The following SLC8A1 variants were observed in gnomAD, a reference collection of about 807,000 sequenced individuals.
SLC8A1 encodes sodium/calcium exchanger 1.
A neutral mutation model predicts 68.3 loss-of-function variants in SLC8A1; 18 were observed. That is an observed-to-expected ratio of 0.26 (90% confidence interval 0.18 to 0.39). The LOEUF (loss-of-function observed/expected upper bound fraction) is 0.39, where lower values mean the gene tolerates loss of function less well. Ranked by LOEUF, SLC8A1 falls within the 10% of genes least tolerant of loss-of-function variation. The pLI, the probability that SLC8A1 is intolerant of heterozygous loss-of-function variation, is 1.00. For missense variants in SLC8A1, 985 were observed against 1,156.7 expected (o/e 0.85, Z 2.15); for synonymous variants, 475 against 415.5 (o/e 1.14, Z -1.74).
intron 1 of SLC8A1, among the ~76,000 whole-genome samples, chr2:40,439,967 GTATAGTA>G (rs1700178291): frequency 6.6e-6 from 1 of 151,968 alleles, no homozygotes; most frequent in Non-Finnish European, 1.5e-5. Flanking sequence ...TTACAATATT[GTATAGTA>G]TATATTACCT....
At chr2:40,415,901 C>CACACATT (rs1553595440) in intron 2 of SLC8A1, among the ~76,000 whole-genome samples, 59 of 140,570 alleles carry the variant, frequency 4.2e-4, no homozygotes, top group African/African-American at 1.5e-3. Context: ...CACACACACA[C>CACACATT]ACACACACAC....
exon 8 of SLC8A1, chr2:40,101,240 T>C (rs1470196423): frequency 6.6e-6 from 1 of 152,190 alleles, no homozygotes; most frequent in Non-Finnish European, 1.5e-5. Flanking sequence ...TCTGTGGTTT[T>C]CAAGCTTCTT....
At chr2:40,193,598 T>C (rs2052326565) in intron 2 of SLC8A1, among the ~76,000 whole-genome samples, 1 of 152,008 alleles carries the variant, frequency 6.6e-6, no homozygotes, top group African/African-American at 2.4e-5. Flanking sequence ...GGGAGGTGAG[T>C]CAAGAAAGAG....
chr2:40,338,746 G>A (rs893648875), intron 2 of SLC8A1, among the ~76,000 whole-genome samples: 18 of 152,028 alleles, frequency 1.2e-4, no homozygotes, highest in Admixed American at 1.2e-3. Context: ...TTCCATAATT[G>A]GATTTTCTTC....
intron 2 of SLC8A1, among the ~76,000 whole-genome samples, chr2:40,326,005 G>T (rs1173895977): frequency 6.6e-6 from 1 of 151,986 alleles, no homozygotes; most frequent in Non-Finnish European, 1.5e-5. Context: ...CGCCCACAGG[G>T]AAAGTCAGCA....
At chr2:40,151,444 A>ACTGT (rs374816060) in intron 6 of SLC8A1, among the ~76,000 whole-genome samples, 125 of 152,300 alleles carry the variant, frequency 8.2e-4, no homozygotes, top group African/African-American at 2.8e-3. Flanking sequence ...AGTGCCAAGC[A>ACTGT]CTGTCTTAGG....
At chr2:40,350,032 C>A (rs568556168) in intron 2 of SLC8A1, among the ~76,000 whole-genome samples, 1 of 152,126 alleles carries the variant, frequency 6.6e-6, no homozygotes, top group Non-Finnish European at 1.5e-5. Context: ...GTAGACTATG[C>A]ATTTTCCTAA....
chr2:40,426,465 A>G (rs1440045400), intron 2 of SLC8A1, among the ~76,000 whole-genome samples: 1 of 152,074 alleles, frequency 6.6e-6, no homozygotes, highest in Admixed American at 6.6e-5. Flanking sequence ...ACTTGGCAGA[A>G]TAAGTTATTC....
chr2:40,225,756 C>T (rs1245832596), intron 2 of SLC8A1, among the ~76,000 whole-genome samples: 1 of 152,138 alleles, frequency 6.6e-6, no homozygotes, highest in Non-Finnish European at 1.5e-5. Flanking sequence ...GAAAGCCCCT[C>T]CCAAAGTTGC....
chr2:40,147,358 A>G (rs1458755999), intron 6 of SLC8A1, among the ~76,000 whole-genome samples: 1 of 152,212 alleles, frequency 6.6e-6, no homozygotes, highest in Non-Finnish European at 1.5e-5. Flanking sequence ...GAATCTTGAA[A>G]TTCAGAGTGT....
At chr2:40,294,296 T>C (rs1244056877) in intron 2 of SLC8A1, among the ~76,000 whole-genome samples, 1 of 152,138 alleles carries the variant, frequency 6.6e-6, no homozygotes, top group Non-Finnish European at 1.5e-5. Context: ...ATTTGCTATC[T>C]GCCAGGAACT....
chr2:40,216,693 C>G (rs1307029575), intron 2 of SLC8A1, among the ~76,000 whole-genome samples: 1 of 152,062 alleles, frequency 6.6e-6, no homozygotes, highest in African/African-American at 2.4e-5. Context: ...ATAATTGCCA[C>G]TCTGAATGGC....
At chr2:40,253,441 A>T (rs1457607983) in intron 2 of SLC8A1, among the ~76,000 whole-genome samples, 1 of 152,044 alleles carries the variant, frequency 6.6e-6, no homozygotes, top group African/African-American at 2.4e-5. Flanking sequence ...TGAAATAAGC[A>T]AGGCACAGAA....
At chr2:40,415,797 T>C (rs1453949299) in intron 2 of SLC8A1, among the ~76,000 whole-genome samples, 1 of 150,554 alleles carries the variant, frequency 6.6e-6, no homozygotes, top group African/African-American at 2.4e-5. Context: ...GGGTCACACC[T>C]GAGGTCCGGA....
chr2:40,439,197 C>T (rs1700034845), intron 1 of SLC8A1, among the ~76,000 whole-genome samples: 1 of 152,062 alleles, frequency 6.6e-6, no homozygotes, highest in Non-Finnish European at 1.5e-5. Context: ...GTTCCTACTT[C>T]ATGATGTTGC....
chr2:40,212,485 A>G lies in SLC8A1; in HGVS notation c.1809-34630T>C, dbSNP rs571768398. 4.6e-5 allele frequency among the ~76,000 whole-genome samples: 7 copies of G among 152,102 alleles called. No individual in the cohort carries two copies. In the East Asian group the frequency reaches 1.4e-3, roughly 30 times the overall value. ...TTTTTAGTAGAGACGGGGCTTCGCC[A>G]TGTTGGCCAGGATGGTCTGTATCTC... On this transcript the variant is annotated intron_variant, in intron 2 of 7. Coordinates refer to ENST00000406785, the Ensembl canonical transcript of SLC8A1.
intron 1 of SLC8A1, among the ~76,000 whole-genome samples, chr2:40,496,358 A>T (rs899451033): frequency 2.6e-5 from 4 of 152,144 alleles, no homozygotes; most frequent in African/African-American, 9.7e-5. Flanking sequence ...ATTATTCAAA[A>T]GGATTTCAGA....
intron 2 of SLC8A1, among the ~76,000 whole-genome samples, chr2:40,194,469 ATGTGTGTGTGTGTGTGTGTG>A (rs543194094): frequency 7.3e-6 from 1 of 137,328 alleles, no homozygotes; most frequent in East Asian, 2.3e-4. Context: ...TCAGTAAGCA[ATGTGTGTGTGTGTGTGTGTG>A]TGTGTGTGTG....
Position 40,177,857 on chromosome 2 carries a change from T to C in SLC8A1, c.1809-2A>G, listed in dbSNP as rs2048750531. ...AATATTCTAATGGTAATGATCTTCC[T>C]GTGGGAACACAAGACAAAGGCAAAA... On this transcript the variant is annotated splice_acceptor_variant, in intron 2 of 7. Transcript: ENST00000406785. LOFTEE classifies it high-confidence loss of function. 5.2e-6 allele frequency: 8 copies of C among 1,541,286 alleles called. No homozygotes were observed. The highest frequency in any genetic ancestry group is 7.0e-6 in the Non-Finnish European group (8 of 1,137,664).
Sources: gnomAD v4.1 joint callset for allele counts (sites outside exome capture counted in the v4.1 genomes callset) on GRCh38, gnomAD v4.1.1 for gene constraint, MANE v1.5 for transcripts, NCBI Gene and HGNC (gene_info 2026-07-23, HGNC 2026-07-21) for gene names.